The following FOXP1 variants were observed in gnomAD, a reference collection of about 807,000 sequenced individuals.
FOXP1 encodes the protein forkhead box protein P1.
In FOXP1, 15 loss-of-function variants were observed where a neutral mutation model predicts 98.2. That is an observed-to-expected ratio of 0.15 (90% CI 0.10 to 0.24). The LOEUF (loss-of-function observed/expected upper bound fraction) is 0.24, where lower values mean the gene tolerates loss of function less well. FOXP1 is among the 10% of genes least tolerant of loss of function. The probability of loss-of-function intolerance (pLI) is 1.00; values close to 1 mark genes in which losing one functional copy is unlikely to be tolerated. For missense variants in FOXP1, 633 were observed against 848.5 expected (o/e 0.75, Z 3.15); for synonymous variants, 371 against 314.5 (o/e 1.18, Z -1.90).
In FOXP1 at chr3:71,238,046, T is replaced by C. The variant is rs924917629; in HGVS notation, c.-11-39654A>G. On this transcript the variant is annotated intron_variant, in intron 5 of 20. Coordinates refer to ENST00000649528, the MANE Select transcript of FOXP1 (RefSeq NM_001349338.3). ...CCGACTCTCCAAAATATAAGGTAAC[T>C]ACGAAAGGCTTTACATCCCATAGGC... Among the ~76,000 whole-genome samples the C allele has an allele frequency of 3.9e-5, 6 of 152,190 alleles. 1 individual carries two copies. Among genetic ancestry groups the C allele is most frequent in the Non-Finnish European group, 7.3e-5 (5 of 68,038 alleles).
chr3:71,374,905 C>G (rs1187041193), intron 3 of FOXP1, among the ~76,000 whole-genome samples: 2 of 152,316 alleles, frequency 1.3e-5, no homozygotes, highest in Non-Finnish European at 1.5e-5. Flanking sequence ...CCTCTATCTA[C>G]TAGCCATTTC....
At chr3:71,583,320 C>T (rs1169147056) in intron 1 of FOXP1, among the ~76,000 whole-genome samples, 4 of 152,048 alleles carry the variant, frequency 2.6e-5, no homozygotes, top group Non-Finnish European at 5.9e-5. Context: ...CGCGCGCCGG[C>T]CCGCAGCCCC....
At chr3:71,365,926 T>C (rs2078897558) in intron 3 of FOXP1, among the ~76,000 whole-genome samples, 1 of 152,192 alleles carries the variant, frequency 6.6e-6, no homozygotes, top group Non-Finnish European at 1.5e-5. Flanking sequence ...GAGGTTGCAG[T>C]GAGCCCACTG....
intron 3 of FOXP1, among the ~76,000 whole-genome samples, chr3:71,476,014 TG>T (rs2089804384): frequency 6.6e-6 from 1 of 151,732 alleles, no homozygotes; most frequent in African/African-American, 2.4e-5. Flanking sequence ...CATTCTGGTA[TG>T]AAATGCACAA....
rs185005558 is a variant in FOXP1, at chr3:71,294,894, A to G, written c.-12+4926T>C. Among the ~76,000 whole-genome samples the G allele has an allele frequency of 3.3e-5, 5 of 152,302 alleles. No individual in the cohort carries two copies. In the East Asian group the frequency reaches 9.6e-4, roughly 29 times the overall value. ...GACATCTCCATAGTGCGGCAACAAC[A>G]TAGCTTCAACCATATGATAAAGACA... is the stretch of plus-strand genomic sequence containing the variant. On this transcript the variant is annotated intron_variant, in intron 5 of 20. Transcript: ENST00000649528.
chr3:70,983,695 G>A (rs2039266155), intron 14 of FOXP1, among the ~76,000 whole-genome samples: 1 of 152,122 alleles, frequency 6.6e-6, no homozygotes, highest in African/African-American at 2.4e-5. Flanking sequence ...CTGATGTGCA[G>A]GAATACCCTA....
intron 4 of FOXP1, among the ~76,000 whole-genome samples, chr3:71,315,538 G>A (rs2075027392): frequency 6.6e-6 from 1 of 152,102 alleles, no homozygotes. Flanking sequence ...GCATGGATGG[G>A]GAAAATCTTG....
At chr3:71,297,545 G>C (rs554742912) in intron 5 of FOXP1, among the ~76,000 whole-genome samples, 104 of 148,852 alleles carry the variant, frequency 7.0e-4, no homozygotes, top group Non-Finnish European at 1.3e-3. Flanking sequence ...GGTTATATTT[G>C]GAGCTGTATG....
chr3:71,425,079 G>A (rs1378682053), intron 3 of FOXP1, among the ~76,000 whole-genome samples: 2 of 151,644 alleles, frequency 1.3e-5, no homozygotes, highest in Non-Finnish European at 2.9e-5. Flanking sequence ...AATCTACAAG[G>A]TGTCTTCATT....
At chr3:71,283,381 A>T (rs1288827) in intron 5 of FOXP1, among the ~76,000 whole-genome samples, 95,856 of 151,622 alleles carry the variant, frequency 0.63, 32,067 homozygotes, top group East Asian at 0.93. Flanking sequence ...AGGGTCTTAG[A>T]GCTTAAATGG....
intron 11 of FOXP1, among the ~76,000 whole-genome samples, chr3:71,030,811 T>A (rs1184177834): frequency 6.6e-6 from 1 of 152,226 alleles, no homozygotes; most frequent in African/African-American, 2.4e-5. Context: ...AATTTTTTTC[T>A]AATTAAAGTA....
At position 71,565,899 on chromosome 3, in the gene FOXP1, G is replaced by A. The variant is rs1488653597; in HGVS notation, c.-298+15650C>T. ...TACTTTCTGCCCCAGAAGTCATTTG[G>A]GGTCGATAAAGGAGTACATGAGAGA... On this transcript the variant is annotated intron_variant, in intron 2 of 20. Coordinates refer to ENST00000649528, the MANE Select transcript of FOXP1 (RefSeq NM_001349338.3). 5.9e-5 allele frequency among the ~76,000 whole-genome samples: 9 copies of A among 152,130 alleles called. No homozygotes were observed. In the South Asian group the frequency reaches 6.2e-4, roughly 11 times the overall value.
chr3:71,524,661 C>T (rs1444269576), intron 2 of FOXP1, among the ~76,000 whole-genome samples: 1 of 151,594 alleles, frequency 6.6e-6, no homozygotes, highest in Non-Finnish European at 1.5e-5. Context: ...AAATATTAAA[C>T]TGTTTACATG....
At chr3:71,046,673 G>C (rs1485529775) in intron 10 of FOXP1, among the ~76,000 whole-genome samples, 1 of 152,186 alleles carries the variant, frequency 6.6e-6, no homozygotes, top group Non-Finnish European at 1.5e-5. Flanking sequence ...TAAGTGAAAA[G>C]TAGCGCCTCA....
At chr3:70,990,671 A>G (rs889476329) in intron 13 of FOXP1, among the ~76,000 whole-genome samples, 1 of 152,250 alleles carries the variant, frequency 6.6e-6, no homozygotes, top group Non-Finnish European at 1.5e-5. Flanking sequence ...ATCAGAGAAG[A>G]GAATTACTCT....
chr3:71,424,968 G>A lies in FOXP1; in HGVS notation c.-167-65724C>T, dbSNP rs541374094. 2.0e-5 allele frequency among the ~76,000 whole-genome samples: 3 copies of A among 152,316 alleles called. No individual in the cohort carries two copies. The South Asian group carries it at 6.2e-4, about 32-fold the overall frequency. On this transcript the variant is annotated intron_variant, in intron 3 of 20. Transcript: ENST00000649528. ...TAGGAAGAGGGAAATGTGTATGGCA[G>A]TTGCCATACTCTCAGTGTTTACTCA...
At chr3:71,338,704 C>T (rs927054510) in intron 4 of FOXP1, among the ~76,000 whole-genome samples, 1 of 152,090 alleles carries the variant, frequency 6.6e-6, no homozygotes, top group African/African-American at 2.4e-5. Context: ...AGGCATGAGA[C>T]ACTATGCCTG....
intron 3 of FOXP1, among the ~76,000 whole-genome samples, chr3:71,444,581 G>C (rs1471300747): frequency 6.6e-6 from 1 of 152,158 alleles, no homozygotes; most frequent in African/African-American, 2.4e-5. Flanking sequence ...TGGCAGATAG[G>C]AGGTTTAATT....
intron 3 of FOXP1, among the ~76,000 whole-genome samples, chr3:71,442,236 G>A (rs1381832225): frequency 1.3e-5 from 2 of 152,228 alleles, no homozygotes; most frequent in South Asian, 4.2e-4. Flanking sequence ...GACATTGTAC[G>A]CATACTTCTC....
Sources: gnomAD v4.1 joint callset for allele counts (sites outside exome capture counted in the v4.1 genomes callset) on GRCh38, gnomAD v4.1.1 for gene constraint, MANE v1.5 for transcripts, NCBI Gene and HGNC (gene_info 2026-07-23, HGNC 2026-07-21) for gene names.